Variants in RTN4 observed in about 807,000 individuals in gnomAD.
RTN4 encodes the protein reticulon-4.
In RTN4, 32 loss-of-function variants were observed where a neutral mutation model predicts 90.4. The observed-to-expected ratio is 0.35, with a 90% CI of 0.27 to 0.48. The LOEUF (loss-of-function observed/expected upper bound fraction) is 0.48, where lower values mean the gene tolerates loss of function less well. Among genes scored for constraint, RTN4 ranks in the 20% least tolerant of loss-of-function variants. RTN4 has a pLI of 0.99. For missense variants in RTN4, 1,706 were observed against 1,430.2 expected (o/e 1.19, Z -3.11); for synonymous variants, 629 against 552.5 (o/e 1.14, Z -1.94).
chr2:55,097,456 T>C (rs1275602421), intron 1 of RTN4, among the ~76,000 whole-genome samples: 1 of 151,950 alleles, frequency 6.6e-6, no homozygotes, highest in African/African-American at 2.4e-5. Flanking sequence ...AAGAGAATAA[T>C]AGAAAACAAG....
the RTN4 span, among the ~76,000 whole-genome samples, chr2:55,129,075 T>C: frequency 2.4e-5 from 3 of 124,636 alleles, no homozygotes; most frequent in East Asian, 7.4e-4. Context: ...GCCACTACAC[T>C]CCAGCCTAGG....
the RTN4 span, among the ~76,000 whole-genome samples, chr2:55,137,186 G>A: frequency 1.1e-4 from 16 of 152,302 alleles, 1 homozygote; most frequent in Non-Finnish European, 5.9e-5. Context: ...CAGAGTAGAG[G>A]GAGTGTTTCT....
chr2:55,049,296 C>G (rs1667959551), intron 1 of RTN4: 2 of 411,404 alleles, frequency 4.9e-6, no homozygotes, highest in Non-Finnish European at 6.6e-6. Flanking sequence ...CAAAACTGCA[C>G]CTTTTCCAAA....
In RTN4 at chr2:55,083,487, A is replaced by G. The variant is rs1046158590; in HGVS notation, c.-213-2848T>C. Among the ~76,000 whole-genome samples, 7 of 151,828 alleles carry G rather than the reference A, an allele frequency of 4.6e-5. No homozygotes were observed. In the East Asian group the frequency reaches 1.4e-3, roughly 29 times the overall value. The stretch of plus-strand genomic sequence containing the variant: ...CTTCCGGCCTGGACAACAAAGCGAG[A>G]CTCCGTCTCAAAGAAGAAAAAAAAA... On this transcript the variant is annotated intron_variant, in intron 1 of 3. Transcript: ENST00000427710.
At chr2:55,006,549 G>A (rs1680240374) in intron 3 of RTN4, among the ~76,000 whole-genome samples, 2 of 152,134 alleles carry the variant, frequency 1.3e-5, no homozygotes, top group Non-Finnish European at 2.9e-5. Context: ...TGCAGAAATG[G>A]TCCAAAACTA....
intron 3 of RTN4, among the ~76,000 whole-genome samples, chr2:54,996,548 C>G (rs1248943126): frequency 1.3e-5 from 2 of 152,190 alleles, no homozygotes; most frequent in Non-Finnish European, 2.9e-5. Flanking sequence ...TTATGGTCAA[C>G]TGACTTTCAC....
At chr2:55,086,187 G>A (rs930984926) in intron 1 of RTN4, among the ~76,000 whole-genome samples, 5 of 152,144 alleles carry the variant, frequency 3.3e-5, no homozygotes, top group Non-Finnish European at 5.9e-5. Context: ...TTATTCCCCT[G>A]ACTGGGAATA....
chr2:54,978,620 C>T (rs1677864738), intron 5 of RTN4, among the ~76,000 whole-genome samples: 1 of 152,002 alleles, frequency 6.6e-6, no homozygotes, highest in Non-Finnish European at 1.5e-5. Flanking sequence ...AATGTCTTTT[C>T]TAAATGACAA....
intron 3 of RTN4, among the ~76,000 whole-genome samples, chr2:55,011,694 C>T (rs1231861583): frequency 6.6e-6 from 1 of 151,788 alleles, no homozygotes; most frequent in Non-Finnish European, 1.5e-5. Context: ...CCCAAAAAAA[C>T]TAAAAACAAA....
chr2:55,096,119 G>C (rs1240753185), intron 1 of RTN4, among the ~76,000 whole-genome samples: 1 of 152,142 alleles, frequency 6.6e-6, no homozygotes, highest in Admixed American at 6.6e-5. Context: ...CTGAGGACGG[G>C]AGTTCAAGCC....
the RTN4 span, among the ~76,000 whole-genome samples, chr2:55,127,882 T>C: frequency 6.6e-6 from 1 of 152,034 alleles, no homozygotes; most frequent in Non-Finnish European, 1.5e-5. Flanking sequence ...AATGCTTTTG[T>C]GTTTGGCATC....
chr2:55,027,652 A>G (rs1349771901), intron 2 of RTN4, among the ~76,000 whole-genome samples, 167 bp from the exon 3 acceptor site: 1 of 151,904 alleles, frequency 6.6e-6, no homozygotes, highest in Non-Finnish European at 1.5e-5. Context: ...ATCATTACTG[A>G]AAATATTAAG....
chr2:55,123,723 G>A, the RTN4 span, among the ~76,000 whole-genome samples: 14 of 151,676 alleles, frequency 9.2e-5, no homozygotes, highest in African/African-American at 2.9e-4. Context: ...ATTGTTACTC[G>A]TGTAACACTA....
intron 1 of RTN4, among the ~76,000 whole-genome samples, chr2:55,028,981 T>C (rs962207110): frequency 3.9e-5 from 6 of 152,152 alleles, no homozygotes; most frequent in African/African-American, 7.2e-5. Context: ...ACAAAACTCA[T>C]GTTAAAGCCC....
At chr2:54,992,845 G>C (rs1679117671) in intron 3 of RTN4, among the ~76,000 whole-genome samples, 1 of 151,960 alleles carries the variant, frequency 6.6e-6, no homozygotes, top group South Asian at 2.1e-4. Context: ...CGAGGCAGGT[G>C]GATCATGAGG....
intron 1 of RTN4, among the ~76,000 whole-genome samples, chr2:55,085,288 G>A (rs745893200): frequency 6.6e-6 from 1 of 151,574 alleles, no homozygotes; most frequent in South Asian, 2.1e-4. Context: ...TGTGTGTGGG[G>A]GTGTGTGTGT....
At chr2:55,075,711 C>A (rs754023253) in intron 2 of RTN4, among the ~76,000 whole-genome samples, 1 of 152,052 alleles carries the variant, frequency 6.6e-6, no homozygotes, top group Non-Finnish European at 1.5e-5. Context: ...CCATAGTCAC[C>A]AAAACAGCAT....
At chr2:55,041,520 T>C (rs1362839320) in intron 1 of RTN4, among the ~76,000 whole-genome samples, 1 of 152,074 alleles carries the variant, frequency 6.6e-6, no homozygotes, top group Non-Finnish European at 1.5e-5. Flanking sequence ...CTGTGTGAAC[T>C]GACAGATAAA....
intron 3 of RTN4, among the ~76,000 whole-genome samples, chr2:54,995,941 G>C (rs937111786): frequency 6.6e-6 from 1 of 152,084 alleles, no homozygotes; most frequent in Non-Finnish European, 1.5e-5. Flanking sequence ...ACAATGATAT[G>C]AGGGTCTGTT....
Sources: gnomAD v4.1 joint callset for allele counts (sites outside exome capture counted in the v4.1 genomes callset) on GRCh38, gnomAD v4.1.1 for gene constraint, MANE v1.5 for transcripts, NCBI Gene and HGNC (gene_info 2026-07-23, HGNC 2026-07-21) for gene names.